RNASEL: variants seen among roughly 807,000 people sequenced by gnomAD.
RNASEL encodes the protein 2-5A-dependent ribonuclease.
Under a neutral mutation model 50.9 loss-of-function variants are expected in RNASEL, and 36 were observed. The observed-to-expected ratio is 0.71, with a 90% CI of 0.54 to 0.93. The LOEUF (loss-of-function observed/expected upper bound fraction) is 0.93, where lower values mean the gene tolerates loss of function less well. Among genes scored for constraint, RNASEL ranks in the 40% least tolerant of loss-of-function variants. The probability of loss-of-function intolerance (pLI) is 0.00; values close to 1 mark genes in which losing one functional copy is unlikely to be tolerated. For synonymous variants in RNASEL, 335 were observed against 335.6 expected (o/e 1.00, Z 0.02); for missense variants, 860 against 894.5 (o/e 0.96, Z 0.49).
At chr1:182,578,095 A>C (rs1433684979) in intron 5 of RNASEL, 1 of 152,210 alleles carries the variant, frequency 6.6e-6, no homozygotes, top group Non-Finnish European at 1.5e-5. Flanking sequence ...CATGACTAAG[A>C]CCCCAAAAGC....
At chr1:182,581,991 T>C (rs1661504921) in intron 4 of RNASEL, 62 bp downstream of exon 4, 2 of 1,461,080 alleles carry the variant, frequency 1.4e-6, no homozygotes, top group South Asian at 1.1e-5. Flanking sequence ...CAGACTTCTG[T>C]CTGCACCACC....
Position 182,586,592 on chromosome 1 carries a change from T to TC in RNASEL, c.214dup (p.Glu72GlyfsTer13). On this transcript the variant is annotated frameshift_variant, in exon 2 of 7. Coordinates refer to ENST00000367559, the MANE Select transcript of RNASEL (RefSeq NM_021133.4). LOFTEE classifies it high-confidence loss of function. ...ACGAAGCAGAAGTTCCACAATGTCC[T>TC]CCCTGCTCATTTGTACTGCGTTATG... The TC allele has an allele frequency of 1.2e-6, 2 of 1,606,258 alleles. No individual in the cohort carries two copies. Among genetic ancestry groups the TC allele is most frequent in the South Asian group, 2.2e-5 (2 of 90,598 alleles).
At chr1:182,584,262 C>A in intron 2 of RNASEL, 96 bp from the exon 3 acceptor site, 2 of 856,930 alleles carry the variant, frequency 2.3e-6, no homozygotes, top group South Asian at 1.4e-5. Flanking sequence ...CTATAAAAAT[C>A]ATCATCTCTG....
At chr1:182,588,249 A>G (rs1661636555) in intron 1 of RNASEL, among the ~76,000 whole-genome samples, 1 of 152,182 alleles carries the variant, frequency 6.6e-6, no homozygotes, top group Non-Finnish European at 1.5e-5. Flanking sequence ...GTGGCTGTGT[A>G]ATTTTTTACT....
Position 182,586,742 on chromosome 1 carries a change from G to T in RNASEL, c.65C>A (p.Ala22Glu), listed in dbSNP as rs137956140. ...AATCAGCAAGTGATTGTCTTCCACT[G>T]CAGCCCTTCTACCGCTGGAGGACGT... ...GPTSSSGRRAAVEDNHLLIKA... is the reference protein window; with the variant it reads ...GPTSSSGRRAEVEDNHLLIKA... The change falls in exon 2 of 7, where the codon GCA (alanine) becomes GAA (glutamate). Residue 22 changes from alanine to glutamate, a missense_variant. Transcript: ENST00000367559. The T allele has an allele frequency of 3.1e-6, 5 of 1,614,128 alleles. No homozygotes were observed. The African/African-American group carries it at 6.7e-5, about 22-fold the overall frequency.
At chr1:182,576,436 A>G in intron 5 of RNASEL, 47 bp from the exon 6 acceptor site, 3 of 1,444,534 alleles carry the variant, frequency 2.1e-6, no homozygotes, top group Non-Finnish European at 2.9e-6. Flanking sequence ...AACACAAAAT[A>G]AATCCTGATG....
Position 182,586,371 on chromosome 1 carries a change from T to TA in RNASEL, c.435dup (p.Lys146Ter), listed in dbSNP as rs776265373. The TA allele has an allele frequency of 6.2e-7, 1 of 1,614,170 alleles. No homozygotes were observed. Among genetic ancestry groups the TA allele is most frequent in the Non-Finnish European group, 8.5e-7 (1 of 1,180,024 alleles). ...CTCAAATTCACATTTGCTCCTCTCTTATAAAGGAATTTTAGGGCTTTGACC... is the reference window on the plus strand; with the variant it reads ...CTCAAATTCACATTTGCTCCTCTCTTAATAAAGGAATTTTAGGGCTTTGACC... On this transcript the variant is annotated frameshift_variant, in exon 2 of 7. Transcript: ENST00000367559. LOFTEE classifies it high-confidence loss of function.
In RNASEL at chr1:182,585,593, A is replaced by G. The variant is rs746578511; in HGVS notation, c.1214T>C (p.Val405Ala). 6.2e-7 allele frequency: 1 copy of G among 1,614,142 alleles called. No individual in the cohort carries two copies. The highest frequency in any genetic ancestry group is 2.2e-5 in the East Asian group (1 of 44,874). Residue 405 changes from valine (V) to alanine (A), a missense_variant, in exon 2 of 7, where the codon GTC (valine) becomes GCC (alanine). Physicochemically the swap from Val to Ala is moderately conservative, Grantham distance 64. Transcript: ENST00000367559. ...CEGSPRAQRE[V>A]SCLQSSRENS... ...CTCTCGGCTGCTTTGCAGACAAGAGACTTCCCGCTGTGCACGTGGGCTGCC... is the reference window on the plus strand; with the variant it reads ...CTCTCGGCTGCTTTGCAGACAAGAGGCTTCCCGCTGTGCACGTGGGCTGCC...
At position 182,586,328 on chromosome 1, in the gene RNASEL, T is replaced by A. The variant is rs773007857; in HGVS notation, c.479A>T (p.Asp160Val). ...CCCTCCTTTCCTCAGCCGCTCTTGATCCTCCTTTGTCTTTCGCCTCAAATT... is the reference window on the plus strand; with the variant it reads ...CCCTCCTTTCCTCAGCCGCTCTTGAACCTCCTTTGTCTTTCGCCTCAAATT... ...NVNLRRKTKE[D>V]QERLRKGGAT... is the part of the protein sequence containing the mutation. The change falls in exon 2 of 7, where the codon GAT becomes GTT. Residue 160 changes from aspartate (D) to valine (V), a missense_variant. Coordinates refer to ENST00000367559, the MANE Select transcript of RNASEL (RefSeq NM_021133.4). The A allele has an allele frequency of 1.2e-6, 2 of 1,614,216 alleles. No homozygotes were observed. Among genetic ancestry groups the A allele is most frequent in the South Asian group, 1.1e-5 (1 of 91,086 alleles).
chr1:182,585,465 G>A lies in RNASEL; in HGVS notation c.1342C>T (p.His448Tyr). ...EQTLEACLDV[H>Y]RGEDVENEED... ...TCATTTTCCACATCTTCCCCTCTGT[G>A]CACATCCAAACACGCTTCCAGAGTC... The change falls in exon 2 of 7, where the codon CAC becomes TAC. Residue 448 changes from histidine (H) to tyrosine (Y), a missense_variant. Physicochemically the swap from His to Tyr is moderately conservative, Grantham distance 83. Transcript: ENST00000367559. The A allele has an allele frequency of 6.2e-7, 1 of 1,614,140 alleles. No individual in the cohort carries two copies. Among genetic ancestry groups the A allele is most frequent in the Non-Finnish European group, 8.5e-7 (1 of 1,180,026 alleles).
At chr1:182,582,339 C>T in intron 3 of RNASEL, 81 bp from the exon 4 acceptor site, 1 of 1,508,074 alleles carries the variant, frequency 6.6e-7, no homozygotes, top group Admixed American at 1.7e-5. Flanking sequence ...ACGCTATTAG[C>T]AAACAAGATG....
Position 182,586,205 on chromosome 1 carries a change from A to G in RNASEL, c.602T>C (p.Met201Thr), listed in dbSNP as rs964462022. 1.2e-5 allele frequency: 20 copies of G among 1,614,210 alleles called. No individual in the cohort carries two copies. The highest frequency in any genetic ancestry group is 1.7e-5 in the Non-Finnish European group (20 of 1,180,044). The change falls in exon 2 of 7, where the codon ATG becomes ACG. Residue 201 changes from methionine (M) to threonine (T), a missense_variant. Physicochemically the swap from Met to Thr is moderately conservative, Grantham distance 81 (BLOSUM62 -1). Coordinates refer to ENST00000367559, the MANE Select transcript of RNASEL (RefSeq NM_021133.4). Reference protein sequence around the residue: ...MGADVNACDNMGRNALIHALL... With the variant: ...MGADVNACDNTGRNALIHALL... ...AGCATGGATCAAGGCATTTCTGCCC[A>G]TATTGTCACAGGCGTTTACATCTGC... is the stretch of plus-strand genomic sequence containing the variant.
chr1:182,589,171 T>C lies in RNASEL; in HGVS notation c.-169A>G, dbSNP rs1661654854. 6.6e-6 allele frequency: 1 copy of C among 152,324 alleles called. No individual in the cohort carries two copies. Among genetic ancestry groups the C allele is most frequent in the African/African-American group, 2.4e-5 (1 of 41,464 alleles). 9.4% of individuals were successfully genotyped at this position (152,324 alleles called of 1,614,324 possible). On this transcript the variant is annotated 5_prime_UTR_variant, in exon 1 of 7. Coordinates refer to ENST00000367559, the MANE Select transcript of RNASEL (RefSeq NM_021133.4). ...TCCTCCTTCTGCCTGCCTTACCTGC[T>C]CAACTCAGACGTCTCAATTATTCCT...
At position 182,574,106 on chromosome 1, in the gene RNASEL, T is replaced by C. The variant is rs1661339548; in HGVS notation, c.*1286A>G. 4.6e-6 allele frequency: 1 copy of C among 215,280 alleles called. No homozygotes were observed. The highest frequency in any genetic ancestry group is 9.3e-6 in the Non-Finnish European group (1 of 106,958). 13.3% of individuals were successfully genotyped at this position (215,280 alleles called of 1,614,324 possible). A position where few individuals can be genotyped will look rare whatever the true frequency, so the allele number is the denominator to read the frequency against. Reference sequence around the variant, plus strand: ...AATAAAATAAAATACTCAGATGTAATGTATACATTATAAAGCACCAGAAAA... The same window carrying C: ...AATAAAATAAAATACTCAGATGTAACGTATACATTATAAAGCACCAGAAAA... On this transcript the variant is annotated 3_prime_UTR_variant, in exon 7 of 7. Transcript: ENST00000367559.
intron 4 of RNASEL, among the ~76,000 whole-genome samples, 158 bp downstream of exon 4, chr1:182,581,895 C>T (rs1661503951): frequency 1.3e-5 from 2 of 152,164 alleles, no homozygotes; most frequent in South Asian, 4.1e-4. Flanking sequence ...AAAGCAGACT[C>T]CAGAGAGGTT....
chr1:182,582,194 G>T lies in RNASEL; in HGVS notation c.1631C>A (p.Ala544Asp), dbSNP rs141087868. 63 of 1,614,078 alleles carry T rather than the reference G, an allele frequency of 3.9e-5. 1 individual carries two copies. The African/African-American group carries it at 6.9e-4, about 18-fold the overall frequency. ...TTGAACCACCTCTTCATTACTTTGA[G>T]CTTTCAGATCCTCAAATGAGATGCT... Reference protein sequence around the residue: ...KGSISFEDLKAQSNEEVVQLS... With the variant: ...KGSISFEDLKDQSNEEVVQLS... Residue 544 changes from alanine (A) to aspartate (D), a missense_variant, in exon 4 of 7, where the codon GCT becomes GAT. Coordinates refer to ENST00000367559, the MANE Select transcript of RNASEL (RefSeq NM_021133.4).
chr1:182,574,770 C>A lies in RNASEL; in HGVS notation c.*622G>T, dbSNP rs1337076994. 1 of 232,060 alleles carries A rather than the reference C, an allele frequency of 4.3e-6. No homozygotes were observed. Among genetic ancestry groups the A allele is most frequent in the African/African-American group, 2.2e-5 (1 of 45,000 alleles). The allele number at this position is 232,060 out of a possible 1,614,324, so 14.4% of individuals were successfully genotyped here. A position where few individuals can be genotyped will look rare whatever the true frequency, so the allele number is the denominator to read the frequency against. ...GCCTTAAGGTCATGGAAAACCAATG[C>A]AGTTGGTTCTGGAAGGAGTGGAATT... is the stretch of plus-strand genomic sequence containing the variant. On this transcript the variant is annotated 3_prime_UTR_variant, in exon 7 of 7. Coordinates refer to ENST00000367559, the MANE Select transcript of RNASEL (RefSeq NM_021133.4).
At position 182,585,333 on chromosome 1, in the gene RNASEL, A is replaced by T. The variant is rs973588059; in HGVS notation, c.1474T>A (p.Leu492Ile). ...TTGGGGATTGGGGACTCACCTATTA[A>T]GATGTTTTGTGGTTGCAGATCCTGG... ...THQDLQPQNI[L>I]IDSKKAAHLA... Residue 492 changes from leucine to isoleucine, a missense_variant, in exon 2 of 7, where the codon TTA becomes ATA. By Grantham distance (5) the Leu-to-Ile change is conservative. Transcript: ENST00000367559. 1.2e-6 allele frequency: 2 copies of T among 1,614,046 alleles called. No homozygotes were observed. Among genetic ancestry groups the T allele is most frequent in the African/African-American group, 2.7e-5 (2 of 75,058 alleles).
rs149982407 is a variant in RNASEL at position 182,575,249 on chromosome 1, T to A, written c.*143A>T. Reference sequence around the variant, plus strand: ...TTGCTTTTGTTATAGACATATGGAATACACGATGCCAGGGACTGACATATC... The same window carrying A: ...TTGCTTTTGTTATAGACATATGGAAAACACGATGCCAGGGACTGACATATC... On this transcript the variant is annotated 3_prime_UTR_variant, in exon 7 of 7. Coordinates refer to ENST00000367559, the MANE Select transcript of RNASEL (RefSeq NM_021133.4). 271 of 793,624 alleles carry A rather than the reference T, an allele frequency of 3.4e-4. No homozygotes were observed. In the African/African-American group the frequency reaches 4.3e-3, roughly 13 times the overall value. The allele number at this position is 793,624 out of a possible 1,614,324, so 49.2% of individuals were successfully genotyped here.
Sources: allele counts gnomAD v4.1 joint callset (sites outside exome capture counted in the v4.1 genomes callset), GRCh38; gene constraint gnomAD v4.1.1; transcripts MANE v1.5; gene names NCBI Gene and HGNC (gene_info 2026-07-23, HGNC 2026-07-21).